Variants in POLE observed in about 807,000 individuals in gnomAD.
POLE encodes the protein DNA polymerase epsilon catalytic subunit A.
In POLE, 188 loss-of-function variants were observed where a neutral mutation model predicts 279.2. The observed-to-expected ratio is 0.67, with a 90% CI of 0.60 to 0.76. POLE has a LOEUF of 0.76. POLE is among the 30% of genes least tolerant of loss of function. The pLI, the probability that POLE is intolerant of heterozygous loss-of-function variation, is 0.00. For missense variants in POLE, 2,703 were observed against 3,016.7 expected (o/e 0.90, Z 2.44); for synonymous variants, 1,214 against 1,172.5 (o/e 1.04, Z -0.72).
intron 15 of POLE, 36 bp downstream of exon 15, chr12:132,672,591 A>C (rs765183219): frequency 6.3e-7 from 1 of 1,595,028 alleles, no homozygotes; most frequent in Non-Finnish European, 8.6e-7. Context: ...ACAGCACAAG[A>C]GTGGGAAGAA....
Position 132,664,226 on chromosome 12 carries a change from T to G in POLE, c.2562-78A>C. On this transcript the variant is annotated intron_variant, in intron 22 of 48. Coordinates refer to ENST00000320574, the MANE Select transcript of POLE (RefSeq NM_006231.4). The surrounding 1 kb of genome is among the most constrained non-coding windows in gnomAD (Gnocchi z 5.3). ...GTGTGTGGCCTCCAGCCTTCCCTCC[T>G]TCCTTCCTGCCCAGTGTGTGGCCTC... 1 of 1,496,712 alleles carries G rather than the reference T, an allele frequency of 6.7e-7. No individual in the cohort carries two copies. Among genetic ancestry groups the G allele is most frequent in the Non-Finnish European group, 9.2e-7 (1 of 1,085,422 alleles). 92.7% of individuals were successfully genotyped at this position (1,496,712 alleles called of 1,614,324 possible).
intron 21 of POLE, among the ~76,000 whole-genome samples, chr12:132,665,034 A>C (rs980213751): frequency 6.6e-6 from 1 of 152,124 alleles, no homozygotes; most frequent in Non-Finnish European, 1.5e-5. Context: ...ACGCGCTGGA[A>C]AATGGCAAGT....
intron 40 of POLE, chr12:132,638,906 G>A (rs2042085361): frequency 1.1e-5 from 6 of 570,978 alleles, no homozygotes; most frequent in South Asian, 2.1e-5. Flanking sequence ...AAAGGGGCAG[G>A]AGAGGAGGTG....
chr12:132,652,234 T>C (rs2042437603), intron 29 of POLE, among the ~76,000 whole-genome samples: 1 of 152,058 alleles, frequency 6.6e-6, no homozygotes, highest in Non-Finnish European at 1.5e-5. Flanking sequence ...CTTTGTGATG[T>C]TTTTCACATG....
rs2041846124 is a variant in POLE, at chr12:132,626,676, A to G, written c.6331-359T>C. Reference sequence around the variant, plus strand: ...GACCAATAACAGCCTGAGCACAGACACAAAAATGCGCAACGAGATATTAGC... The same window carrying G: ...GACCAATAACAGCCTGAGCACAGACGCAAAAATGCGCAACGAGATATTAGC... On this transcript the variant is annotated intron_variant, in intron 45 of 48. Coordinates refer to ENST00000320574, the MANE Select transcript of POLE (RefSeq NM_006231.4). 2.0e-5 allele frequency among the ~76,000 whole-genome samples: 3 copies of G among 152,208 alleles called. No homozygotes were observed. The South Asian group carries it at 6.2e-4, about 32-fold the overall frequency.
chr12:132,632,282 G>T, intron 45 of POLE, 33 bp downstream of exon 45: 1 of 1,552,998 alleles, frequency 6.4e-7, no homozygotes, highest in Non-Finnish European at 8.9e-7. Flanking sequence ...GTACGTTAGT[G>T]TCCTCTCCTC....
chr12:132,634,948 C>T lies in POLE; in HGVS notation c.5812-570G>A, dbSNP rs1427196539. Among the ~76,000 whole-genome samples, 5 of 152,202 alleles carry T rather than the reference C, an allele frequency of 3.3e-5. No individual in the cohort carries two copies. Among genetic ancestry groups the T allele is most frequent in the African/African-American group, 9.6e-5 (4 of 41,462 alleles). On this transcript the variant is annotated intron_variant, in intron 42 of 48. Coordinates refer to ENST00000320574, the MANE Select transcript of POLE (RefSeq NM_006231.4). The surrounding 1 kb of genome is among the most constrained non-coding windows in gnomAD (Gnocchi z 4.0). ...TTTATCCCCCAACTCCAACCAGAAT[C>T]GCTCCCATCCAGGTGTCCTGGGCAG...
At chr12:132,632,978 G>C in intron 43 of POLE, 183 bp from the exon 44 acceptor site, 1 of 624,518 alleles carries the variant, frequency 1.6e-6, no homozygotes, top group Non-Finnish European at 2.7e-6. Flanking sequence ...GTGGAAATGA[G>C]AAGGAACACT....
chr12:132,683,980 T>C (rs1421686639), intron 1 of POLE, among the ~76,000 whole-genome samples: 2 of 149,612 alleles, frequency 1.3e-5, no homozygotes, highest in Non-Finnish European at 3.0e-5. Flanking sequence ...ATTGACTGGT[T>C]ACTATATCAC....
chr12:132,670,294 T>C (rs376736059), intron 16 of POLE, among the ~76,000 whole-genome samples: 1 of 151,642 alleles, frequency 6.6e-6, no homozygotes, highest in East Asian at 2.0e-4. Context: ...GAGAATCTCT[T>C]GAACCCAGGA....
Position 132,639,331 on chromosome 12 carries a change from C to T in POLE, c.5379-33G>A. ...AGAAGGTGCACGACACCCTCGTACC[C>T]TCAGCCTCCCACGCTGCTGCCACGC... On this transcript the variant is annotated intron_variant, in intron 39 of 48. Transcript: ENST00000320574. The surrounding 1 kb of genome is among the most constrained non-coding windows in gnomAD (Gnocchi z 4.7). 6.2e-7 allele frequency: 1 copy of T among 1,605,582 alleles called. No homozygotes were observed. The highest frequency in any genetic ancestry group is 1.3e-5 in the African/African-American group (1 of 74,918).
Position 132,660,973 on chromosome 12 carries a change from C to G in POLE, c.3056G>C (p.Ser1019Thr), listed in dbSNP as rs1298505088. ...VADYWLDVLY[S>T]KAANMPDSEL... is the part of the protein sequence containing the mutation. ...GGGTGGAGGGTAGGCCTTTACCTTGCTGTACAGCACGTCCAGCCAGTAGTC... is the reference window on the plus strand; with the variant it reads ...GGGTGGAGGGTAGGCCTTTACCTTGGTGTACAGCACGTCCAGCCAGTAGTC... Residue 1019 changes from serine (S) to threonine (T), a missense_variant, in exon 25 of 49, where the codon AGC becomes ACC. Coordinates refer to ENST00000320574, the MANE Select transcript of POLE (RefSeq NM_006231.4). 1 of 1,606,888 alleles carries G rather than the reference C, an allele frequency of 6.2e-7. No homozygotes were observed. The highest frequency in any genetic ancestry group is 8.5e-7 in the Non-Finnish European group (1 of 1,176,372).
Position 132,632,531 on chromosome 12 carries a change from G to A in POLE, c.6137-23C>T, listed in dbSNP as rs779133192. The A allele has an allele frequency of 1.1e-5, 18 of 1,612,052 alleles. No individual in the cohort carries two copies. In the South Asian group the frequency reaches 1.9e-4, roughly 17 times the overall value. On this transcript the variant is annotated intron_variant, in intron 44 of 48. Coordinates refer to ENST00000320574, the MANE Select transcript of POLE (RefSeq NM_006231.4). ...TTCCTGGAAGTATAAGGATGCTGAG[G>A]GAGGGGTCTGGGACCTGTCTGGCAC...
At chr12:132,626,830 G>A (rs1021802734) in intron 45 of POLE, among the ~76,000 whole-genome samples, 3 of 152,216 alleles carry the variant, frequency 2.0e-5, no homozygotes, top group African/African-American at 7.2e-5. Context: ...TCAACAAATG[G>A]TTCTTGAATA....
rs1028314253 is a variant in POLE at position 132,623,825 on chromosome 12, G to T, written c.*872C>A. On this transcript the variant is annotated 3_prime_UTR_variant, in exon 49 of 49. Transcript: ENST00000320574. ...GCAGCGATGGCCTCAGACAGTAGAT[G>T]GCAGGGACAAACTAAGGCTGGCTCT... 1.2e-4 allele frequency: 24 copies of T among 194,590 alleles called. No homozygotes were observed. The highest frequency in any genetic ancestry group is 8.6e-5 in the Non-Finnish European group (8 of 93,434). 12.1% of individuals were successfully genotyped at this position (194,590 alleles called of 1,614,324 possible). A position where few individuals can be genotyped will look rare whatever the true frequency, so the allele number is the denominator to read the frequency against.
At position 132,638,117 on chromosome 12, in the gene POLE, G is replaced by C. The variant is rs184253572; in HGVS notation, c.5575C>G (p.Leu1859Val). 38 of 1,613,930 alleles carry C rather than the reference G, an allele frequency of 2.4e-5. No individual in the cohort carries two copies. The highest frequency in any genetic ancestry group is 3.2e-5 in the Non-Finnish European group (38 of 1,179,970). ...FLQLIAEFKR[L>V]GSSVIYANFN... is the part of the protein sequence containing the mutation. Reference sequence around the variant, plus strand: ...TTGGCGTAGATGACTGATGACCCCAGGCGCTTGAACTCAGCGATGAGCCTG... The same window carrying C: ...TTGGCGTAGATGACTGATGACCCCACGCGCTTGAACTCAGCGATGAGCCTG... The change falls in exon 41 of 49, where the codon CTG (leucine) becomes GTG (valine). Residue 1859 changes from leucine (L) to valine (V), a missense_variant. Transcript: ENST00000320574.
chr12:132,649,297 G>A lies in POLE; in HGVS notation c.4005+9C>T, dbSNP rs368874247. 1 of 1,612,456 alleles carries A rather than the reference G, an allele frequency of 6.2e-7. No homozygotes were observed. Among genetic ancestry groups the A allele is most frequent in the Non-Finnish European group, 8.5e-7 (1 of 1,179,048 alleles). ...AGCCACTGCCCTCCCCTTGGATCAA[G>A]GTCTATACCTGCACAATCTGCCACG... On this transcript the variant is annotated intron_variant, in intron 31 of 48. Transcript: ENST00000320574.
intron 6 of POLE, among the ~76,000 whole-genome samples, chr12:132,678,102 C>CA (rs1381827426): frequency 6.6e-6 from 1 of 152,252 alleles, no homozygotes; most frequent in East Asian, 1.9e-4. Context: ...CACTTGAACC[C>CA]AGGAGGCGGA....
At position 132,679,510 on chromosome 12, in the gene POLE, C is replaced by A. The variant is rs1555230056; in HGVS notation, c.565G>T (p.Ala189Ser). 1 of 1,611,662 alleles carries A rather than the reference C, an allele frequency of 6.2e-7. No homozygotes were observed. Among genetic ancestry groups the A allele is most frequent in the Non-Finnish European group, 8.5e-7 (1 of 1,178,030 alleles). The change falls in exon 6 of 49, where the codon GCT (alanine) becomes TCT (serine). Residue 189 changes from alanine to serine, a missense_variant. Physicochemically the swap from Ala to Ser is moderately conservative, Grantham distance 99. Transcript: ENST00000320574. ...EQDHASDAYTALLSSVLQRGG... is the reference protein window; with the variant it reads ...EQDHASDAYTSLLSSVLQRGG... The stretch of plus-strand genomic sequence containing the variant: ...ACCAAAGTTTACCTGGAAAGCAGAG[C>A]TGTGTACGCGTCGCTGGCGTGATCC...
Sources: gnomAD v4.1 joint callset for allele counts (sites outside exome capture counted in the v4.1 genomes callset) on GRCh38, gnomAD v4.1.1 for gene constraint, Gnocchi (gnomAD v3.1) non-coding constraint, MANE v1.5 for transcripts, NCBI Gene and HGNC (gene_info 2026-07-23, HGNC 2026-07-21) for gene names.